METTL16: variants seen among roughly 807,000 people sequenced by gnomAD.
METTL16 encodes the protein RNA N(6)-adenosine-methyltransferase METTL16.
A neutral mutation model predicts 57.9 loss-of-function variants in METTL16; 19 were observed. The ratio of observed to expected loss-of-function variants is 0.33; its 90% confidence interval spans 0.23 to 0.48. The LOEUF (loss-of-function observed/expected upper bound fraction) is 0.48, where lower values mean the gene tolerates loss of function less well. METTL16 is among the 20% of genes least tolerant of loss of function. The pLI is 0.99. For missense variants in METTL16, 434 were observed against 691.5 expected (o/e 0.63, Z 4.18); for synonymous variants, 246 against 255.6 (o/e 0.96, Z 0.36).
At chr17:2,479,938 C>T (rs1227612814) in intron 2 of METTL16, among the ~76,000 whole-genome samples, 4 of 151,942 alleles carry the variant, frequency 2.6e-5, no homozygotes, top group Non-Finnish European at 4.4e-5. Flanking sequence ...TGTAATCCTA[C>T]CACTTTGGGA....
intron 8 of METTL16, among the ~76,000 whole-genome samples, chr17:2,421,288 C>G (rs1230322949): frequency 6.6e-6 from 1 of 152,142 alleles, no homozygotes; most frequent in African/African-American, 2.4e-5. Context: ...CCAAGACTTC[C>G]AGGCTGCAGG....
intron 7 of METTL16, among the ~76,000 whole-genome samples, chr17:2,440,970 C>CAAAAAAAAAAAAAAAAAAAAA (rs760521188): frequency 5.9e-5 from 2 of 34,038 alleles, no homozygotes; most frequent in East Asian, 1.9e-3. Flanking sequence ...GACTTGATCT[C>CAAAAAAAAAAAAAAAAAAAAA]AAAAAAAAAA....
intron 2 of METTL16, among the ~76,000 whole-genome samples, chr17:2,499,091 A>G (rs952432667): frequency 6.6e-6 from 1 of 151,558 alleles, no homozygotes; most frequent in African/African-American, 2.4e-5. Context: ...TCTCCTTTTC[A>G]TGTGATCCCA....
intron 8 of METTL16, among the ~76,000 whole-genome samples, chr17:2,423,416 A>C (rs553065421): frequency 6.6e-6 from 1 of 152,286 alleles, no homozygotes; most frequent in South Asian, 2.1e-4. Context: ...ACATTAAGAC[A>C]GTCATATTGT....
intron 3 of METTL16, chr17:2,475,137 T>C (rs2067260829): frequency 6.6e-6 from 1 of 152,112 alleles, no homozygotes; most frequent in Non-Finnish European, 1.5e-5. Flanking sequence ...AAATCCAGAC[T>C]CGTCATACTG....
intron 4 of METTL16, among the ~76,000 whole-genome samples, chr17:2,469,271 G>A (rs1009691721): frequency 1.3e-5 from 2 of 151,710 alleles, no homozygotes; most frequent in African/African-American, 2.4e-5. Flanking sequence ...TAAATAAATA[G>A]GCTCCTAGAT....
rs531496763 is a variant in METTL16 at position 2,464,214 on chromosome 17, C to A, written c.722G>T (p.Arg241Ile). The A allele has an allele frequency of 6.2e-7, 1 of 1,610,094 alleles. No homozygotes were observed. The highest frequency in any genetic ancestry group is 1.1e-5 in the South Asian group (1 of 90,196). The change falls in exon 6 of 10, where the codon AGA becomes ATA. Residue 241 changes from arginine (R) to isoleucine (I), a missense_variant. By Grantham distance (97) the Arg-to-Ile change is moderately conservative. This residue lies in a region of METTL16 where 96 missense variants were observed against 138.3 expected (regional missense o/e 0.69). Transcript: ENST00000263092. ...IIHDSLQLKK[R>I]LRWYSCMLGK... Reference sequence around the variant, plus strand: ...GTTGTAAAAACAGACTTACCTTAATCTTTTTTTAAGTTGTAGACTGTCATG... The same window carrying A: ...GTTGTAAAAACAGACTTACCTTAATATTTTTTTAAGTTGTAGACTGTCATG...
At chr17:2,472,438 G>T (rs2151567366) in intron 4 of METTL16, among the ~76,000 whole-genome samples, 1 of 152,140 alleles carries the variant, frequency 6.6e-6, no homozygotes, top group South Asian at 2.1e-4. Flanking sequence ...CACACTGCTT[G>T]GTATTTACCT....
chr17:2,464,383 G>C (rs975042436), intron 5 of METTL16, 33 bp from the exon 6 acceptor site: 5 of 1,570,474 alleles, frequency 3.2e-6, no homozygotes, highest in Non-Finnish European at 4.3e-6. Flanking sequence ...GGTGAAAAAT[G>C]TGTACACCCC....
intron 4 of METTL16, among the ~76,000 whole-genome samples, chr17:2,468,829 A>G (rs1005488418): frequency 2.6e-5 from 4 of 152,162 alleles, no homozygotes; most frequent in African/African-American, 9.7e-5. Context: ...CTGAGGCTGC[A>G]GCGAGCCATG....
At chr17:2,463,721 A>T (rs1292769158) in intron 6 of METTL16, among the ~76,000 whole-genome samples, 1 of 151,726 alleles carries the variant, frequency 6.6e-6, no homozygotes, top group African/African-American at 2.4e-5. Flanking sequence ...CGGCCTCCCA[A>T]AGTGCTGGGA....
chr17:2,428,564 AATATATATATATATAT>A (rs71362532), intron 8 of METTL16, among the ~76,000 whole-genome samples: 5 of 31,346 alleles, frequency 1.6e-4, no homozygotes, highest in African/African-American at 4.4e-4. Flanking sequence ...AAAAAAAAAA[AATATATATATATATAT>A]ATATATATAT....
rs538320809 is a variant in METTL16, at chr17:2,502,726, A to G, written c.1-395T>C. ...ATCAGTGGGGAAAGCTGTGGATGCCAAGTTAATAGTTACAGCCAACATGTC... is the reference window on the plus strand; with the variant it reads ...ATCAGTGGGGAAAGCTGTGGATGCCGAGTTAATAGTTACAGCCAACATGTC... On this transcript the variant is annotated intron_variant, in intron 1 of 9. Coordinates refer to ENST00000263092, the MANE Select transcript of METTL16 (RefSeq NM_024086.4). Among the ~76,000 whole-genome samples the G allele has an allele frequency of 2.0e-5, 3 of 152,252 alleles. No individual in the cohort carries two copies. The South Asian group carries it at 6.2e-4, about 32-fold the overall frequency.
At chr17:2,433,915 C>G (rs1390101595) in intron 8 of METTL16, among the ~76,000 whole-genome samples, 1 of 152,182 alleles carries the variant, frequency 6.6e-6, no homozygotes, top group East Asian at 1.9e-4. Flanking sequence ...TTTCTCAACT[C>G]CTGGCCACTC....
chr17:2,492,916 A>AAAC (rs1555621091), intron 2 of METTL16, among the ~76,000 whole-genome samples: 4 of 144,646 alleles, frequency 2.8e-5, no homozygotes, highest in Non-Finnish European at 3.1e-5. Context: ...AAAAAAAAAA[A>AAAC]CAACAAAAAA....
intron 1 of METTL16, among the ~76,000 whole-genome samples, chr17:2,506,443 G>A (rs1311517500): frequency 1.3e-5 from 2 of 151,786 alleles, no homozygotes; most frequent in African/African-American, 2.4e-5. Context: ...ACGCCGCCAC[G>A]CCTGACTGGT....
intron 2 of METTL16, among the ~76,000 whole-genome samples, chr17:2,494,669 G>A (rs7219815): frequency 0.027 from 4,080 of 152,072 alleles, 97 homozygotes; most frequent in African/African-American, 0.067. Context: ...TCCTACCACT[G>A]CACTCCAGCC....
intron 2 of METTL16, 93 bp from the exon 3 acceptor site, chr17:2,477,978 C>T (rs2067279318): frequency 2.0e-6 from 2 of 1,012,322 alleles, no homozygotes; most frequent in African/African-American, 1.6e-5. Context: ...AATACCCATC[C>T]GAACCTCCCA....
intron 2 of METTL16, among the ~76,000 whole-genome samples, chr17:2,479,264 T>C (rs2067287196): frequency 6.7e-6 from 1 of 150,372 alleles, no homozygotes; most frequent in African/African-American, 2.5e-5. Context: ...CCTCCCAGGC[T>C]CAAGTGACCC....
Sources: gnomAD v4.1 joint callset for allele counts (sites outside exome capture counted in the v4.1 genomes callset) on GRCh38, gnomAD v4.1.1 for gene constraint, gnomAD v4.1.1 regional missense constraint, MANE v1.5 for transcripts, NCBI Gene and HGNC (gene_info 2026-07-23, HGNC 2026-07-21) for gene names.